Variants in ADGRG6 observed in about 807,000 individuals in gnomAD.
ADGRG6 encodes the protein G-protein coupled receptor 126.
A neutral mutation model predicts 142.4 loss-of-function variants in ADGRG6; 84 were observed. The observed-to-expected ratio is 0.59, with a 90% confidence interval of 0.49 to 0.71. The LOEUF is 0.71. Ranked by LOEUF, ADGRG6 falls within the 30% of genes least tolerant of loss-of-function variation. ADGRG6 has a pLI of 0.00. For missense variants in ADGRG6, 1,367 were observed against 1,466.6 expected, an observed-to-expected ratio of 0.93 and a Z score of 1.11; for synonymous variants, 521 against 520.5, an observed-to-expected ratio of 1.00 and a Z score of -0.01.
intron 16 of ADGRG6, among the ~76,000 whole-genome samples, chr6:142,408,883 A>G: frequency 6.6e-6 from 1 of 152,122 alleles, no homozygotes; most frequent in East Asian, 1.9e-4. Flanking sequence ...CAGGCTGGAA[A>G]TGAGTGTGCT....
chr6:142,320,002 G>C (rs1242212146), intron 2 of ADGRG6, among the ~76,000 whole-genome samples: 2 of 152,032 alleles, frequency 1.3e-5, no homozygotes, highest in African/African-American at 4.8e-5. Flanking sequence ...TTAGCTTTTA[G>C]GGCAGAATAC....
At chr6:142,422,146 A>C (rs1407094755) in intron 22 of ADGRG6, among the ~76,000 whole-genome samples, 2 of 151,438 alleles carry the variant, frequency 1.3e-5, no homozygotes, top group Non-Finnish European at 2.9e-5. Context: ...GGCAAACTAC[A>C]TTATATCTAA....
intron 18 of ADGRG6, 137 bp downstream of exon 18, chr6:142,411,548 C>T: frequency 1.8e-6 from 1 of 567,622 alleles, no homozygotes; most frequent in East Asian, 2.8e-5. Context: ...AATCTTAATT[C>T]TTAATAAAGA....
At chr6:142,420,723 C>G (rs1475232613) in intron 22 of ADGRG6, among the ~76,000 whole-genome samples, 1 of 152,152 alleles carries the variant, frequency 6.6e-6, no homozygotes, top group East Asian at 1.9e-4. Context: ...TACCAGGCTT[C>G]CTTCAAAGAG....
intron 21 of ADGRG6, among the ~76,000 whole-genome samples, chr6:142,417,578 T>C (rs1425034334): frequency 6.6e-6 from 1 of 152,166 alleles, no homozygotes; most frequent in Admixed American, 6.6e-5. Flanking sequence ...TACTCTGTCA[T>C]ATGGAGGAAT....
At chr6:142,386,162 T>C (rs1938518640) in intron 6 of ADGRG6, among the ~76,000 whole-genome samples, 2 of 152,206 alleles carry the variant, frequency 1.3e-5, no homozygotes, top group South Asian at 4.1e-4. Flanking sequence ...TGTTTTTCTG[T>C]GTGAAGTTAT....
intron 2 of ADGRG6, among the ~76,000 whole-genome samples, chr6:142,343,843 A>G (rs1779772758): frequency 6.6e-6 from 1 of 151,926 alleles, no homozygotes; most frequent in African/African-American, 2.4e-5. Context: ...AAAAAATTCA[A>G]AAGTGGGCAT....
chr6:142,303,273 C>A (rs2114470317), intron 1 of ADGRG6, among the ~76,000 whole-genome samples: 1 of 152,300 alleles, frequency 6.6e-6, no homozygotes, highest in Middle Eastern at 3.4e-3. Context: ...TCCCCCAACT[C>A]CTGGATCTTA....
intron 2 of ADGRG6, among the ~76,000 whole-genome samples, chr6:142,326,205 CTT>C (rs1778768841): frequency 6.6e-6 from 1 of 151,570 alleles, no homozygotes; most frequent in African/African-American, 2.4e-5. Flanking sequence ...TTCTACTTGA[CTT>C]TAAACACGTT....
intron 4 of ADGRG6, among the ~76,000 whole-genome samples, chr6:142,371,644 C>A (rs1781266520): frequency 6.6e-6 from 1 of 151,910 alleles, no homozygotes; most frequent in Admixed American, 6.6e-5. Flanking sequence ...CACCACCATG[C>A]CCGGCTAATT....
chr6:142,417,443 A>G (rs1008160114), intron 21 of ADGRG6, 74 bp downstream of exon 21: 3 of 709,976 alleles, frequency 4.2e-6, no homozygotes, highest in African/African-American at 1.8e-5. Flanking sequence ...TTCCATGCCA[A>G]TAACAAGGCT....
At chr6:142,341,446 A>ATAGTATATATAGTATATATAATATTATG in intron 2 of ADGRG6, among the ~76,000 whole-genome samples, 1 of 118,496 alleles carries the variant, frequency 8.4e-6, no homozygotes, top group South Asian at 2.2e-4. Context: ...AATTATATAT[A>ATAGTATATATAGTATATATAATATTATG]TAGTATATAT....
intron 2 of ADGRG6, among the ~76,000 whole-genome samples, chr6:142,336,437 A>T (rs1779320024): frequency 6.6e-6 from 1 of 152,168 alleles, no homozygotes; most frequent in African/African-American, 2.4e-5. Context: ...TGGAGTACTT[A>T]AAGGTTTGCT....
chr6:142,328,285 C>A (rs1778876967), intron 2 of ADGRG6, among the ~76,000 whole-genome samples: 1 of 152,166 alleles, frequency 6.6e-6, no homozygotes, highest in African/African-American at 2.4e-5. Context: ...TCACTGCAAC[C>A]TCTGCCTCCT....
intron 2 of ADGRG6, among the ~76,000 whole-genome samples, chr6:142,313,954 T>C (rs1777898410): frequency 6.6e-6 from 1 of 152,162 alleles, no homozygotes; most frequent in Non-Finnish European, 1.5e-5. Context: ...AATAAGGCTC[T>C]AATTGTACAG....
chr6:142,433,910 G>A (rs1264637396), intron 22 of ADGRG6, among the ~76,000 whole-genome samples: 2 of 152,098 alleles, frequency 1.3e-5, no homozygotes, highest in African/African-American at 4.8e-5. Context: ...TTAGTTAGAT[G>A]TGGTGGCACA....
At position 142,371,010 on chromosome 6, in the gene ADGRG6, T is replaced by C. The variant is rs1468476376; in HGVS notation, c.1069+217T>C. 9.8e-6 allele frequency: 5 copies of C among 509,414 alleles called. No homozygotes were observed. The South Asian group carries it at 1.3e-4, about 14-fold the overall frequency. 31.6% of individuals were successfully genotyped at this position (509,414 alleles called of 1,614,324 possible). ...ACATTTGATTATAAGCCATGCATGCTCCATCAAGACATTTGGTTTTACCAT... is the reference window on the plus strand; with the variant it reads ...ACATTTGATTATAAGCCATGCATGCCCCATCAAGACATTTGGTTTTACCAT... On this transcript the variant is annotated intron_variant, in intron 4 of 24. Transcript: ENST00000367609.
At chr6:142,338,574 G>A (rs904884325) in intron 2 of ADGRG6, among the ~76,000 whole-genome samples, 2 of 151,240 alleles carry the variant, frequency 1.3e-5, no homozygotes, top group African/African-American at 4.8e-5. Flanking sequence ...GTAGTTAATC[G>A]ATATATTATT....
At chr6:142,415,629 A>G (rs1219867973) in intron 19 of ADGRG6, among the ~76,000 whole-genome samples, 167 bp from the exon 20 acceptor site, 2 of 152,308 alleles carry the variant, frequency 1.3e-5, no homozygotes, top group East Asian at 3.9e-4. Context: ...AACTTGCCAA[A>G]TACTCATAAA....
Sources: allele counts gnomAD v4.1 joint callset (sites outside exome capture counted in the v4.1 genomes callset), GRCh38; gene constraint gnomAD v4.1.1; transcripts MANE v1.5; gene names NCBI Gene and HGNC (gene_info 2026-07-23, HGNC 2026-07-21).